The following ANKRD55 variants were observed in gnomAD, a reference collection of about 807,000 sequenced individuals.
ANKRD55 encodes ankyrin repeat domain 55.
A neutral mutation model predicts 60.6 loss-of-function variants in ANKRD55; 41 were observed. The observed-to-expected ratio is 0.68, with a 90% CI of 0.53 to 0.88. The LOEUF (loss-of-function observed/expected upper bound fraction) is 0.88, where lower values mean the gene tolerates loss of function less well. ANKRD55 is among the 40% of genes least tolerant of loss of function. The pLI, the probability that ANKRD55 is intolerant of heterozygous loss-of-function variation, is 0.00. For missense variants in ANKRD55, 732 were observed against 767.6 expected (o/e 0.95, Z 0.55); for synonymous variants, 264 against 290.3 (o/e 0.91, Z 0.92).
At chr5:56,127,352 T>C (rs1279103067) in intron 7 of ANKRD55, 25 of 985,124 alleles carry the variant, frequency 2.5e-5, no homozygotes, top group Middle Eastern at 5.2e-4. Flanking sequence ...TTGTCTTCCA[T>C]AACTAGTGAA....
chr5:56,186,126 T>G (rs1344556948), intron 2 of ANKRD55, among the ~76,000 whole-genome samples: 1 of 152,130 alleles, frequency 6.6e-6, no homozygotes, highest in Non-Finnish European at 1.5e-5. Context: ...CTGTGTGGAT[T>G]TGGACCGTCC....
chr5:56,232,376 C>T (rs189854540), intron 2 of ANKRD55, among the ~76,000 whole-genome samples: 81 of 152,114 alleles, frequency 5.3e-4, no homozygotes, highest in African/African-American at 2.0e-3. Flanking sequence ...ATACAGGCAA[C>T]ATCTATTCCT....
chr5:56,157,593 A>C (rs1758225535), intron 6 of ANKRD55, among the ~76,000 whole-genome samples: 1 of 152,242 alleles, frequency 6.6e-6, no homozygotes, highest in South Asian at 2.1e-4. Flanking sequence ...GAGATGAGAC[A>C]CGCTGGCGGC....
chr5:56,223,647 T>C (rs565829245), intron 2 of ANKRD55, among the ~76,000 whole-genome samples: 1 of 151,440 alleles, frequency 6.6e-6, no homozygotes, highest in Non-Finnish European at 1.5e-5. Context: ...CAAAAGAAGA[T>C]CTACCAAGCA....
chr5:56,212,186 A>C (rs1759691580), intron 2 of ANKRD55, among the ~76,000 whole-genome samples: 1 of 152,160 alleles, frequency 6.6e-6, no homozygotes, highest in South Asian at 2.1e-4. Context: ...AAATAAAATA[A>C]TGCATCATGG....
intron 2 of ANKRD55, among the ~76,000 whole-genome samples, chr5:56,196,531 T>C (rs67608513): frequency 0.08 from 12,184 of 152,250 alleles, 780 homozygotes; most frequent in African/African-American, 0.18. Context: ...GCCTGGAGAA[T>C]TAAAGTAACT....
intron 7 of ANKRD55, among the ~76,000 whole-genome samples, chr5:56,135,288 C>CTGCCTGCTTGCT (rs1757543471): frequency 7.5e-5 from 7 of 93,044 alleles, no homozygotes; most frequent in East Asian, 6.8e-4. Flanking sequence ...CCCTGCCTGC[C>CTGCCTGCTTGCT]TGCTTGCTTT....
rs769664867 is a variant in ANKRD55 at position 56,166,199 on chromosome 5, T to TTCCTTCCTTCCTTCTCTCTC, written c.422+4494_422+4495insGAGAGAGAAGGAAGGAAGGA. On this transcript the variant is annotated intron_variant, in intron 5 of 11. Transcript: ENST00000341048. ...CTTCCTTCCTTCCTTCCTTCCTTCC[T>TTCCTTCCTTCCTTCTCTCTC]TCTCTCTCTCTCTCTCTCTTTCTTT... Among the ~76,000 whole-genome samples the TTCCTTCCTTCCTTCTCTCTC allele has an allele frequency of 5.2e-5, 5 of 96,122 alleles. No homozygotes were observed. The East Asian group carries it at 2.2e-3, about 43-fold the overall frequency. The allele number at this position is 96,122 out of a possible 152,430, so 63.1% of individuals were successfully genotyped here. A position where few individuals can be genotyped will look rare whatever the true frequency, so the allele number is the denominator to read the frequency against.
At chr5:56,221,438 T>C (rs1759963848) in intron 2 of ANKRD55, among the ~76,000 whole-genome samples, 1 of 152,142 alleles carries the variant, frequency 6.6e-6, no homozygotes, top group South Asian at 2.1e-4. Flanking sequence ...AGACAGGTGA[T>C]TTCTGCATTT....
intron 7 of ANKRD55, among the ~76,000 whole-genome samples, chr5:56,142,609 C>T (rs1757801370): frequency 6.6e-6 from 1 of 152,132 alleles, no homozygotes; most frequent in Non-Finnish European, 1.5e-5. Flanking sequence ...GTAGAAAGTG[C>T]CTGCTTCTGG....
chr5:56,192,955 C>G, intron 2 of ANKRD55: 2 of 687,786 alleles, frequency 2.9e-6, no homozygotes, highest in Non-Finnish European at 4.8e-6. Context: ...GATTGAAAAC[C>G]AAAGCAGGCA....
chr5:56,159,780 C>G, intron 6 of ANKRD55, 53 bp downstream of exon 6: 2 of 1,574,986 alleles, frequency 1.3e-6, no homozygotes, highest in Non-Finnish European at 1.7e-6. Context: ...AAACGCCCTT[C>G]CTTTCACCCT....
intron 6 of ANKRD55, among the ~76,000 whole-genome samples, chr5:56,148,814 TC>T (rs1757963196): frequency 2.0e-5 from 3 of 151,464 alleles, no homozygotes; most frequent in Non-Finnish European, 4.4e-5. Flanking sequence ...CTTGGTTTGT[TC>T]CCCGTCTTGG....
At chr5:56,221,645 C>T (rs960057194) in intron 2 of ANKRD55, among the ~76,000 whole-genome samples, 3 of 152,210 alleles carry the variant, frequency 2.0e-5, no homozygotes, top group Non-Finnish European at 4.4e-5. Context: ...TTACTCACAC[C>T]CTAATACTGT....
At chr5:56,169,417 G>A (rs889765822) in intron 5 of ANKRD55, among the ~76,000 whole-genome samples, 3 of 140,192 alleles carry the variant, frequency 2.1e-5, no homozygotes. Flanking sequence ...AAGCATTTTT[G>A]TGGGGTCATT....
At chr5:56,206,817 GA>G (rs1275576104) in intron 2 of ANKRD55, among the ~76,000 whole-genome samples, 1 of 152,156 alleles carries the variant, frequency 6.6e-6, no homozygotes, top group Non-Finnish European at 1.5e-5. Flanking sequence ...TGCAAGGCCA[GA>G]AAACAAAGAA....
chr5:56,120,312 C>T (rs1757005382), intron 8 of ANKRD55, among the ~76,000 whole-genome samples: 2 of 152,122 alleles, frequency 1.3e-5, no homozygotes, highest in Admixed American at 1.3e-4. Context: ...CAGGCGTGAG[C>T]CACCGCACCA....
At chr5:56,111,075 G>A (rs373127732) in intron 10 of ANKRD55, 43 bp downstream of exon 10, 3 of 1,581,732 alleles carry the variant, frequency 1.9e-6, no homozygotes, top group Admixed American at 1.7e-5. Context: ...GACATTTCCA[G>A]TATAGAGCCT....
At chr5:56,152,818 TA>T (rs1048998465) in intron 6 of ANKRD55, among the ~76,000 whole-genome samples, 4 of 151,872 alleles carry the variant, frequency 2.6e-5, no homozygotes, top group African/African-American at 7.2e-5. Flanking sequence ...AACCATATAT[TA>T]AAAAAAATCT....
Sources: allele counts gnomAD v4.1 joint callset (sites outside exome capture counted in the v4.1 genomes callset), GRCh38; gene constraint gnomAD v4.1.1; transcripts MANE v1.5; gene names NCBI Gene and HGNC (gene_info 2026-07-23, HGNC 2026-07-21).